PLA2G4B: variants seen among roughly 807,000 people sequenced by gnomAD.
PLA2G4B encodes phospholipase A2 group IVB.
Under a neutral mutation model 95.8 loss-of-function variants are expected in PLA2G4B, and 122 were observed. The ratio of observed to expected loss-of-function variants is 1.27; its 90% confidence interval spans 1.10 to 1.48. The LOEUF (loss-of-function observed/expected upper bound fraction) is 1.48, where lower values mean the gene tolerates loss of function less well. Ranked by LOEUF, PLA2G4B falls within the 40% of genes most tolerant of loss-of-function variation. The pLI is 0.00. For synonymous variants in PLA2G4B, 518 were observed against 421.5 expected (o/e 1.23, Z -2.80); for missense variants, 1,158 against 996.2 (o/e 1.16, Z -2.19).
In PLA2G4B at chr15:41,840,912, C is replaced by CG; in HGVS notation, c.351+9dup. 3 of 1,611,412 alleles carry CG rather than the reference C, an allele frequency of 1.9e-6. No individual in the cohort carries two copies. Among genetic ancestry groups the CG allele is most frequent in the Non-Finnish European group, 2.5e-6 (3 of 1,178,038 alleles). On this transcript the variant is annotated splice_region_variant and intron_variant, in intron 4 of 19. Coordinates refer to ENST00000458483, the MANE Select transcript of PLA2G4B (RefSeq NM_001114633.2). ...CTTCTCACTGAGCCCTCAGGCAAGG[C>CG]GGTGTTTCCACGGCAGCCCTAGCTG... is the stretch of plus-strand genomic sequence containing the variant.
At position 41,847,757 on chromosome 15, in the gene PLA2G4B, A is replaced by G. The variant is rs772610517; in HGVS notation, c.2243A>G (p.Lys748Arg). 3.7e-6 allele frequency: 6 copies of G among 1,610,098 alleles called. No individual in the cohort carries two copies. The highest frequency in any genetic ancestry group is 5.1e-6 in the Non-Finnish European group (6 of 1,180,016). The change falls in exon 20 of 20, where the codon AAG (lysine) becomes AGG (arginine). Residue 748 changes from lysine to arginine, a missense_variant. Transcript: ENST00000458483. ...ACCTACAGCCAGGAGGACGTGGACAAGCTGCTGCACCTGACACATTACAAT... is the reference window on the plus strand; with the variant it reads ...ACCTACAGCCAGGAGGACGTGGACAGGCTGCTGCACCTGACACATTACAAT... ...KVTYSQEDVD[K>R]LLHLTHYNVC...
Position 41,844,857 on chromosome 15 carries a change from C to T in PLA2G4B, c.1026C>T (p.Ala342=). The T allele has an allele frequency of 6.2e-7, 1 of 1,604,688 alleles. No individual in the cohort carries two copies. The highest frequency in any genetic ancestry group is 8.5e-7 in the Non-Finnish European group (1 of 1,176,102). ...TGASGSTWAL[A]NLYEDPEWSQ... ...CTTTGGCTTTTCCCAGGGCCTTGGC[C>T]AACCTTTATGAGGACCCAGAGTGGT... Residue 342 remains alanine (A), a synonymous_variant, in exon 13 of 20, where the codon GCC becomes GCT. Transcript: ENST00000458483.
Position 41,847,896 on chromosome 15 carries a change from T to C in PLA2G4B, c.*36T>C. 3 of 1,585,734 alleles carry C rather than the reference T, an allele frequency of 1.9e-6. No individual in the cohort carries two copies. Among genetic ancestry groups the C allele is most frequent in the Non-Finnish European group, 2.6e-6 (3 of 1,169,566 alleles). ...CCCTGCCACCCCTAACTCTCATTCATTCCCTGGCTGCTGAGTTGCAGGTGG... is the reference window on the plus strand; with the variant it reads ...CCCTGCCACCCCTAACTCTCATTCACTCCCTGGCTGCTGAGTTGCAGGTGG... On this transcript the variant is annotated 3_prime_UTR_variant, in exon 20 of 20. Coordinates refer to ENST00000458483, the MANE Select transcript of PLA2G4B (RefSeq NM_001114633.2).
rs772245015 is a variant in PLA2G4B, at chr15:41,847,527, AGCT to A, written c.2134+9_2134+11del. The stretch of plus-strand genomic sequence containing the variant: ...TTCCGGGAGTACTCGGCCCCTGGTG[AGCT>A]GCTGTTCACCTCCCCATCCTGCTGC... On this transcript the variant is annotated splice_donor_5th_base_variant and intron_variant, in intron 19 of 19. Coordinates refer to ENST00000458483, the MANE Select transcript of PLA2G4B (RefSeq NM_001114633.2). 1.9e-6 allele frequency: 3 copies of A among 1,602,484 alleles called. No individual in the cohort carries two copies. The highest frequency in any genetic ancestry group is 2.2e-5 in the South Asian group (2 of 90,410).
intron 14 of PLA2G4B, 77 bp from the exon 15 acceptor site, chr15:41,845,561 C>T: frequency 6.3e-7 from 1 of 1,580,440 alleles, no homozygotes; most frequent in East Asian, 2.2e-5. Context: ...TGCCCTAAAG[C>T]AAAACCCTGG....
chr15:41,840,090 C>T, intron 1 of PLA2G4B, 68 bp from the exon 2 acceptor site: 2 of 1,571,212 alleles, frequency 1.3e-6, no homozygotes, highest in Non-Finnish European at 1.7e-6. Context: ...GCTCCAGCCT[C>T]CTTTGTGGCC....
rs34666895 is a variant in PLA2G4B at position 41,845,711 on chromosome 15, C to G, written c.1431C>G (p.Gly477=). The change falls in exon 15 of 20, where the codon GGC becomes GGG. Residue 477 remains glycine, a synonymous_variant. Transcript: ENST00000458483. The stretch of plus-strand genomic sequence containing the variant: ...CCTTCATCCCCTCTGAGCTCTTTGG[C>G]TCCGAGTTCTTTATGGGGCAGCTGA... ...YGAFIPSELF[G]SEFFMGQLMK... 1.1e-3 allele frequency: 1,854 copies of G among 1,613,182 alleles called. No individual in the cohort carries two copies. Among genetic ancestry groups the G allele is most frequent in the Non-Finnish European group, 1.4e-3 (1,693 of 1,179,662 alleles).
chr15:41,845,453 C>T (rs2065521150), intron 14 of PLA2G4B, 133 bp downstream of exon 14: 10 of 1,451,774 alleles, frequency 6.9e-6, no homozygotes, highest in Non-Finnish European at 8.3e-6. Flanking sequence ...GAGACCGGCA[C>T]CCTACCAGGG....
At chr15:41,847,584 T>G in intron 19 of PLA2G4B, 61 bp downstream of exon 19, 2 of 1,610,162 alleles carry the variant, frequency 1.2e-6, no homozygotes, top group Non-Finnish European at 1.7e-6. Flanking sequence ...CTCCGTCCCC[T>G]GTGCCTCTCC....
rs1209260988 is a variant in PLA2G4B, at chr15:41,846,733, T to A, written c.1845T>A (p.Asp615Glu). The change falls in exon 18 of 20, where the codon GAT becomes GAA. Residue 615 changes from aspartate to glutamate, a missense_variant. Transcript: ENST00000458483. ...TPSEPHLCLL[D>E]VGYLINTSCL... ...CGGAGCCCCACCTGTGCCTGCTGGA[T>A]GTTGGCTACCTCATCAATACCAGCT... is the stretch of plus-strand genomic sequence containing the variant. The A allele has an allele frequency of 6.2e-7, 1 of 1,613,976 alleles. No individual in the cohort carries two copies.
chr15:41,846,630 T>TG, intron 17 of PLA2G4B, 39 bp from the exon 18 acceptor site: 1 of 1,570,724 alleles, frequency 6.4e-7, no homozygotes, highest in Non-Finnish European at 8.7e-7. Flanking sequence ...CTGGTACCCT[T>TG]GGTATCTGTG....
chr15:41,847,976 G>A lies in PLA2G4B; in HGVS notation c.*116G>A. On this transcript the variant is annotated 3_prime_UTR_variant, in exon 20 of 20. Coordinates refer to ENST00000458483, the MANE Select transcript of PLA2G4B (RefSeq NM_001114633.2). The stretch of plus-strand genomic sequence containing the variant: ...TCGGGCTCAGGTGGCACGGTCCCAG[G>A]GTCCAGGCTGAGGGCTGGGAGCTCC... 2 of 1,373,652 alleles carry A rather than the reference G, an allele frequency of 1.5e-6. No homozygotes were observed. The highest frequency in any genetic ancestry group is 1.4e-5 in the South Asian group (1 of 69,946). The allele number at this position is 1,373,652 out of a possible 1,614,324, so 85.1% of individuals were successfully genotyped here. A position where few individuals can be genotyped will look rare whatever the true frequency, so the allele number is the denominator to read the frequency against.
chr15:41,845,083 C>A lies in PLA2G4B; in HGVS notation c.1239+13C>A. The A allele has an allele frequency of 2.5e-6, 4 of 1,595,542 alleles. No homozygotes were observed. Among genetic ancestry groups the A allele is most frequent in the Non-Finnish European group, 3.4e-6 (4 of 1,169,166 alleles). On this transcript the variant is annotated intron_variant, in intron 13 of 19. Coordinates refer to ENST00000458483, the MANE Select transcript of PLA2G4B (RefSeq NM_001114633.2). Reference sequence around the variant, plus strand: ...GCTGCATGATGAGGTGCGGGGGCTGCGGCCTGGGGGCAGAGCCAGGGCAAG... The same window carrying A: ...GCTGCATGATGAGGTGCGGGGGCTGAGGCCTGGGGGCAGAGCCAGGGCAAG...
In PLA2G4B at chr15:41,840,192, G is replaced by A. The variant is rs751885905; in HGVS notation, c.44G>A (p.Arg15His). ...EVSRTCLLTV[R>H]VLQAHRLPSK... ...TCCAGGACCTGCCTGCTCACGGTTCGTGTCCTGCAGGCCCATCGCCTACCC... is the reference window on the plus strand; with the variant it reads ...TCCAGGACCTGCCTGCTCACGGTTCATGTCCTGCAGGCCCATCGCCTACCC... The change falls in exon 2 of 20, where the codon CGT becomes CAT. Residue 15 changes from arginine (R) to histidine (H), a missense_variant. Physicochemically the swap from Arg to His is conservative, Grantham distance 29 (BLOSUM62 0). Coordinates refer to ENST00000458483, the MANE Select transcript of PLA2G4B (RefSeq NM_001114633.2). The A allele has an allele frequency of 3.3e-5, 53 of 1,613,096 alleles. No homozygotes were observed. In the South Asian group the frequency reaches 4.9e-4, roughly 15 times the overall value.
chr15:41,845,141 G>T, intron 13 of PLA2G4B, 62 bp from the exon 14 acceptor site: 4 of 1,610,460 alleles, frequency 2.5e-6, no homozygotes, highest in African/African-American at 1.3e-5. Context: ...TGGACAGCAG[G>T]GTGGGAAAGG....
chr15:41,842,084 C>G (rs984056987), intron 8 of PLA2G4B, 109 bp from the exon 9 acceptor site: 1 of 1,566,622 alleles, frequency 6.4e-7, no homozygotes, highest in Non-Finnish European at 8.7e-7. Flanking sequence ...GCTGGCCTCC[C>G]CTTCCCGTCC....
At chr15:41,842,885 GT>G in intron 10 of PLA2G4B, 1 of 417,076 alleles carries the variant, frequency 2.4e-6, no homozygotes. Context: ...TGGTAACATG[GT>G]TTGGGGCGCA....
In PLA2G4B at chr15:41,844,972, C is replaced by A; in HGVS notation, c.1141C>A (p.Arg381=). The change falls in exon 13 of 20, where the codon CGG becomes AGG. Residue 381 remains arginine, a synonymous_variant. Coordinates refer to ENST00000458483, the MANE Select transcript of PLA2G4B (RefSeq NM_001114633.2). ...LGVLAPSQLQ[R]YRQELAERAR... Reference sequence around the variant, plus strand: ...TGTGCTGGCCCCCAGCCAGCTGCAGCGGTACCGGCAGGAGCTGGCCGAGCG... The same window carrying A: ...TGTGCTGGCCCCCAGCCAGCTGCAGAGGTACCGGCAGGAGCTGGCCGAGCG... The A allele has an allele frequency of 5.0e-6, 8 of 1,610,954 alleles. No homozygotes were observed. Among genetic ancestry groups the A allele is most frequent in the Non-Finnish European group, 6.8e-6 (8 of 1,178,786 alleles).
chr15:41,847,463 G>A lies in PLA2G4B; in HGVS notation c.2074G>A (p.Ala692Thr). The A allele has an allele frequency of 6.2e-7, 1 of 1,613,128 alleles. No homozygotes were observed. Among genetic ancestry groups the A allele is most frequent in the Non-Finnish European group, 8.5e-7 (1 of 1,179,580 alleles). ...HTFSDPTCPG[A>T]PAVLHFPLVS... ...CTTCTCCGACCCCACCTGCCCCGGA[G>A]CCCCTGCGGTGCTGCACTTTCCTCT... Residue 692 changes from alanine to threonine, a missense_variant, in exon 19 of 20, where the codon GCC (alanine) becomes ACC (threonine). Transcript: ENST00000458483.
Sources: gnomAD v4.1 joint callset for allele counts on GRCh38, gnomAD v4.1.1 for gene constraint, MANE v1.5 for transcripts, NCBI Gene and HGNC (gene_info 2026-07-23, HGNC 2026-07-21) for gene names.